HS6ST3: variants seen among roughly 807,000 people sequenced by gnomAD.
HS6ST3 encodes heparan sulfate 6-O-sulfotransferase 3, also known as heparan-sulfate 6-O-sulfotransferase 3.
HS6ST3 carries 12 observed loss-of-function variants against 36.7 expected under a neutral mutation model. The ratio of observed to expected loss-of-function variants is 0.33; its 90% CI spans 0.21 to 0.53. The LOEUF is 0.53. Among genes scored for constraint, HS6ST3 ranks in the 20% least tolerant of loss-of-function variants. The pLI, the probability that HS6ST3 is intolerant of heterozygous loss-of-function variation, is 0.95. For missense variants in HS6ST3, 584 were observed against 640.9 expected, an observed-to-expected ratio of 0.91 and a Z score of 0.96; for synonymous variants, 240 against 257.5, an observed-to-expected ratio of 0.93 and a Z score of 0.65.
At chr13:96,178,044 G>C (rs1440392425) in intron 1 of HS6ST3, among the ~76,000 whole-genome samples, 2 of 152,092 alleles carry the variant, frequency 1.3e-5, no homozygotes, top group Non-Finnish European at 2.9e-5. Flanking sequence ...ATCTTTTAGA[G>C]ATGTATAACT....
chr13:96,158,144 C>G (rs1212105682), intron 1 of HS6ST3, among the ~76,000 whole-genome samples: 1 of 152,104 alleles, frequency 6.6e-6, no homozygotes. Context: ...AGGAAGGACA[C>G]CATTGTATAA....
chr13:96,318,535 AAAAACAAAACAAAAC>A (rs3084992), intron 1 of HS6ST3, among the ~76,000 whole-genome samples: 13 of 150,540 alleles, frequency 8.6e-5, no homozygotes, highest in African/African-American at 1.5e-4. Context: ...TCCTTCTCAA[AAAAACAAAACAAAAC>A]AAAACAAAAC....
At chr13:96,304,355 A>G (rs1413815315) in intron 1 of HS6ST3, among the ~76,000 whole-genome samples, 2 of 152,098 alleles carry the variant, frequency 1.3e-5, no homozygotes, top group Non-Finnish European at 2.9e-5. Context: ...TTTCTTCTCA[A>G]TTCTTTAATT....
intron 1 of HS6ST3, among the ~76,000 whole-genome samples, chr13:96,674,625 G>A (rs566588069): frequency 6.6e-6 from 1 of 152,128 alleles, no homozygotes; most frequent in Non-Finnish European, 1.5e-5. Context: ...ACATGGACTC[G>A]TTGTTGTTGA....
intron 1 of HS6ST3, among the ~76,000 whole-genome samples, chr13:96,330,566 G>T (rs1446288021): frequency 2.0e-5 from 3 of 152,070 alleles, no homozygotes; most frequent in African/African-American, 7.2e-5. Flanking sequence ...TTAGTCTGAT[G>T]GGTTTCCCTT....
intron 1 of HS6ST3, among the ~76,000 whole-genome samples, chr13:96,462,857 G>C (rs1310789834): frequency 6.6e-6 from 1 of 152,130 alleles, no homozygotes; most frequent in Non-Finnish European, 1.5e-5. Flanking sequence ...CAAGAATTTG[G>C]TGTAGCAATA....
At chr13:96,091,786 C>A (rs932160677) in intron 1 of HS6ST3, among the ~76,000 whole-genome samples, 8 of 152,138 alleles carry the variant, frequency 5.3e-5, no homozygotes, top group Non-Finnish European at 1.5e-5. Context: ...TCCCGCCACC[C>A]CTCTGCCTTC....
At chr13:96,483,600 T>C (rs2055899953) in intron 1 of HS6ST3, among the ~76,000 whole-genome samples, 1 of 152,236 alleles carries the variant, frequency 6.6e-6, no homozygotes, top group East Asian at 1.9e-4. Flanking sequence ...ATTAGGAAAT[T>C]AAGAAATTTG....
At chr13:96,178,327 T>G (rs577215670) in intron 1 of HS6ST3, among the ~76,000 whole-genome samples, 1 of 152,298 alleles carries the variant, frequency 6.6e-6, no homozygotes, top group South Asian at 2.1e-4. Flanking sequence ...TCAGTGGGCC[T>G]TCTTCTCTGT....
At chr13:96,231,692 C>A (rs1348128207) in intron 1 of HS6ST3, among the ~76,000 whole-genome samples, 1 of 152,108 alleles carries the variant, frequency 6.6e-6, no homozygotes, top group African/African-American at 2.4e-5. Context: ...AGACCCAAGC[C>A]ATATCAAGGC....
chr13:96,511,077 A>G (rs1378443118), intron 1 of HS6ST3, among the ~76,000 whole-genome samples: 1 of 152,154 alleles, frequency 6.6e-6, no homozygotes, highest in Non-Finnish European at 1.5e-5. Context: ...AGTAGTCTAG[A>G]TGTAAGTTGG....
intron 1 of HS6ST3, among the ~76,000 whole-genome samples, chr13:96,265,216 A>G (rs544422881): frequency 1.3e-5 from 2 of 151,980 alleles, no homozygotes; most frequent in South Asian, 4.2e-4. Context: ...TTGCCCTCTC[A>G]CCCAGGCTAG....
At chr13:96,608,144 T>C (rs1335146107) in intron 1 of HS6ST3, among the ~76,000 whole-genome samples, 1 of 152,202 alleles carries the variant, frequency 6.6e-6, no homozygotes, top group African/African-American at 2.4e-5. Flanking sequence ...TATTCATCTT[T>C]GGAAGATAAT....
At chr13:96,659,929 A>G (rs2056640633) in intron 1 of HS6ST3, among the ~76,000 whole-genome samples, 1 of 152,110 alleles carries the variant, frequency 6.6e-6, no homozygotes, top group African/African-American at 2.4e-5. Context: ...TATTAGGGTT[A>G]TATTTTCATG....
At chr13:96,414,381 A>G (rs1479767861) in intron 1 of HS6ST3, among the ~76,000 whole-genome samples, 2 of 152,234 alleles carry the variant, frequency 1.3e-5, no homozygotes, top group Non-Finnish European at 2.9e-5. Flanking sequence ...TAATTTGTAT[A>G]TGCAAAATAT....
chr13:96,678,093 T>C (rs2056705509), intron 1 of HS6ST3, among the ~76,000 whole-genome samples: 1 of 152,186 alleles, frequency 6.6e-6, no homozygotes, highest in Non-Finnish European at 1.5e-5. Flanking sequence ...TGCTGCATTA[T>C]TCCCTGGCAG....
chr13:96,768,316 T>G (rs1165907546), intron 1 of HS6ST3, among the ~76,000 whole-genome samples: 2 of 152,200 alleles, frequency 1.3e-5, no homozygotes, highest in African/African-American at 2.4e-5. Flanking sequence ...GGGAGAATGC[T>G]TAGCGTCATT....
intron 1 of HS6ST3, among the ~76,000 whole-genome samples, chr13:96,207,791 C>T (rs537383775): frequency 2.6e-5 from 4 of 152,192 alleles, no homozygotes; most frequent in African/African-American, 9.6e-5. Flanking sequence ...TGCATGGGCA[C>T]GTGGTTGTGG....
chr13:96,656,392 A>T (rs767820376), intron 1 of HS6ST3, among the ~76,000 whole-genome samples: 5 of 152,104 alleles, frequency 3.3e-5, no homozygotes, highest in Non-Finnish European at 5.9e-5. Flanking sequence ...GCCTCATTTT[A>T]TTTCTGTCAC....
Sources: gnomAD v4.1 joint callset for allele counts (sites outside exome capture counted in the v4.1 genomes callset) on GRCh38, gnomAD v4.1.1 for gene constraint, MANE v1.5 for transcripts, NCBI Gene and HGNC (gene_info 2026-07-23, HGNC 2026-07-21) for gene names.